The following EBF1 variants were observed in gnomAD, a reference collection of about 807,000 sequenced individuals.
The protein encoded by EBF1 is EBF transcription factor 1, also known as transcription factor COE1.
In EBF1, 10 loss-of-function variants were observed where a neutral mutation model predicts 68.4. The observed-to-expected ratio is 0.15, with a 90% CI of 0.09 to 0.25. The LOEUF (loss-of-function observed/expected upper bound fraction) is 0.25, where lower values mean the gene tolerates loss of function less well. Ranked by LOEUF, EBF1 falls within the 10% of genes least tolerant of loss-of-function variation. The probability of loss-of-function intolerance (pLI) is 1.00; values close to 1 mark genes in which losing one functional copy is unlikely to be tolerated. For synonymous variants in EBF1, 298 were observed against 299.8 expected, an observed-to-expected ratio of 0.99 and a Z score of 0.06; for missense variants, 509 against 794.4, an observed-to-expected ratio of 0.64 and a Z score of 4.32.
rs577957911 is a variant in EBF1, at chr5:158,994,903, T to C, written c.554+78493A>G. On this transcript the variant is annotated intron_variant, in intron 6 of 15. Coordinates refer to ENST00000313708, the MANE Select transcript of EBF1 (RefSeq NM_024007.5). ...CATTTTGATTATCAAAAATTTATTC[T>C]GAATTTAACACTTCAGAAATGAATC... Among the ~76,000 whole-genome samples the C allele has an allele frequency of 2.2e-3, 328 of 152,326 alleles. 1 individual carries two copies. The highest frequency in any genetic ancestry group is 4.1e-3 in the Non-Finnish European group (276 of 68,028).
chr5:158,860,550 A>G (rs1203808443), intron 6 of EBF1, among the ~76,000 whole-genome samples: 1 of 152,200 alleles, frequency 6.6e-6, no homozygotes, highest in African/African-American at 2.4e-5. Context: ...CCACTGAGAT[A>G]GGACTTGGCT....
intron 6 of EBF1, among the ~76,000 whole-genome samples, chr5:158,911,550 C>G (rs1012197693): frequency 1.2e-4 from 19 of 152,116 alleles, no homozygotes; most frequent in Non-Finnish European, 8.8e-5. Context: ...TTTTCCATCT[C>G]ATCTAAAGCC....
chr5:159,046,196 C>A (rs1280526533), intron 6 of EBF1, among the ~76,000 whole-genome samples: 1 of 152,192 alleles, frequency 6.6e-6, no homozygotes, highest in African/African-American at 2.4e-5. Context: ...TCTGTCCCAC[C>A]ATTTAACCAT....
At chr5:158,910,129 C>T (rs1805627647) in intron 6 of EBF1, among the ~76,000 whole-genome samples, 1 of 152,088 alleles carries the variant, frequency 6.6e-6, no homozygotes, top group Admixed American at 6.5e-5. Flanking sequence ...TGGAATTTGT[C>T]TGACATTTTT....
intron 11 of EBF1, among the ~76,000 whole-genome samples, chr5:158,724,507 C>G (rs893391159): frequency 6.6e-6 from 1 of 152,182 alleles, no homozygotes; most frequent in Non-Finnish European, 1.5e-5. Flanking sequence ...TTTTGAATTA[C>G]TGATAGTCTT....
At chr5:159,058,345 A>G (rs762976718) in intron 6 of EBF1, among the ~76,000 whole-genome samples, 10 of 152,236 alleles carry the variant, frequency 6.6e-5, no homozygotes, top group Non-Finnish European at 1.5e-4. Flanking sequence ...GACCATCAGC[A>G]GAAGCACAGA....
intron 8 of EBF1, among the ~76,000 whole-genome samples, chr5:158,815,567 T>C (rs1783557632): frequency 6.6e-6 from 1 of 152,144 alleles, no homozygotes; most frequent in African/African-American, 2.4e-5. Context: ...TAATAAATAT[T>C]ATTACCTGGC....
At chr5:158,792,678 C>T (rs1778881627) in intron 9 of EBF1, among the ~76,000 whole-genome samples, 1 of 152,176 alleles carries the variant, frequency 6.6e-6, no homozygotes, top group Admixed American at 6.5e-5. Context: ...GCACAAACCT[C>T]AAGATCATGT....
intron 6 of EBF1, among the ~76,000 whole-genome samples, chr5:158,890,598 T>C (rs1800979651): frequency 6.6e-6 from 1 of 152,246 alleles, no homozygotes; most frequent in Non-Finnish European, 1.5e-5. Flanking sequence ...TTAGAGTAAT[T>C]TCCTCCAGGT....
chr5:158,997,963 G>A (rs1427596371), intron 6 of EBF1, among the ~76,000 whole-genome samples: 1 of 152,040 alleles, frequency 6.6e-6, no homozygotes, highest in African/African-American at 2.4e-5. Flanking sequence ...ACTGTAAATG[G>A]CCCTGTCCTG....
chr5:158,810,530 A>G (rs1782459506), intron 8 of EBF1, among the ~76,000 whole-genome samples: 1 of 152,090 alleles, frequency 6.6e-6, no homozygotes, highest in South Asian at 2.1e-4. Context: ...AGAGGCCTCA[A>G]ATCTGACACT....
At chr5:158,799,335 T>C (rs1780158473) in intron 8 of EBF1, among the ~76,000 whole-genome samples, 1 of 152,044 alleles carries the variant, frequency 6.6e-6, no homozygotes, top group South Asian at 2.1e-4. Context: ...GGCAGAAGGA[T>C]TGCTTGAGCC....
At chr5:158,903,209 G>A (rs1041493313) in intron 6 of EBF1, among the ~76,000 whole-genome samples, 12 of 152,120 alleles carry the variant, frequency 7.9e-5, no homozygotes, top group East Asian at 1.9e-4. Context: ...CCCCTTCCCC[G>A]GGTCAGCTCA....
chr5:158,795,379 G>A (rs1031966632), intron 9 of EBF1, among the ~76,000 whole-genome samples: 8 of 152,172 alleles, frequency 5.3e-5, no homozygotes, highest in Admixed American at 4.6e-4. Flanking sequence ...TATGCTACGA[G>A]TATCTACCTC....
chr5:158,894,009 A>T (rs1337313740), intron 6 of EBF1, among the ~76,000 whole-genome samples: 1 of 152,210 alleles, frequency 6.6e-6, no homozygotes, highest in African/African-American at 2.4e-5. Context: ...TTACATCATT[A>T]AAAAAGGAGG....
chr5:158,793,191 A>G (rs1434125121), intron 9 of EBF1, among the ~76,000 whole-genome samples: 1 of 152,146 alleles, frequency 6.6e-6, no homozygotes, highest in African/African-American at 2.4e-5. Flanking sequence ...CAAGAGCACT[A>G]CCAAACATTT....
intron 10 of EBF1, among the ~76,000 whole-genome samples, chr5:158,759,094 T>G (rs549925600): frequency 6.6e-6 from 1 of 152,208 alleles, no homozygotes; most frequent in Non-Finnish European, 1.5e-5. Context: ...CACCAACGTC[T>G]CCATTAAATG....
At chr5:159,000,176 GACAC>G (rs147885139) in intron 6 of EBF1, among the ~76,000 whole-genome samples, 2 of 151,670 alleles carry the variant, frequency 1.3e-5, no homozygotes, top group Non-Finnish European at 2.9e-5. Flanking sequence ...TTGCAGTACA[GACAC>G]ACACACACAC....
chr5:159,084,598 A>G (rs1780319335), intron 5 of EBF1, 68 bp downstream of exon 5: 1 of 1,360,222 alleles, frequency 7.4e-7, no homozygotes, highest in Non-Finnish European at 9.8e-7. Flanking sequence ...ACCAAAGTTC[A>G]CCAAGATTTG....
Sources: gnomAD v4.1 joint callset for allele counts (sites outside exome capture counted in the v4.1 genomes callset) on GRCh38, gnomAD v4.1.1 for gene constraint, MANE v1.5 for transcripts, NCBI Gene and HGNC (gene_info 2026-07-23, HGNC 2026-07-21) for gene names.